GALNT18: variants seen among roughly 807,000 people sequenced by gnomAD.
GALNT18 encodes GalNAc-transferase 18.
GALNT18 carries 44 observed loss-of-function variants against 69.5 expected under a neutral mutation model. The observed-to-expected ratio is 0.63, with a 90% CI of 0.50 to 0.81. GALNT18 has a LOEUF of 0.81. Among genes scored for constraint, GALNT18 ranks in the 40% least tolerant of loss-of-function variants. The pLI is 0.00. For missense variants in GALNT18, 715 were observed against 810.0 expected, an observed-to-expected ratio of 0.88 and a Z score of 1.42; for synonymous variants, 364 against 318.2, an observed-to-expected ratio of 1.14 and a Z score of -1.53.
intron 1 of GALNT18, among the ~76,000 whole-genome samples, chr11:11,527,111 G>A (rs1424451633): frequency 1.3e-5 from 2 of 152,038 alleles, no homozygotes; most frequent in African/African-American, 4.8e-5. Flanking sequence ...TCCTGTCTAG[G>A]TCTGTACTCC....
At chr11:11,283,422 C>T (rs548596860) in intron 10 of GALNT18, among the ~76,000 whole-genome samples, 13 of 152,308 alleles carry the variant, frequency 8.5e-5, no homozygotes, top group African/African-American at 2.9e-4. Context: ...GCTGGAATTA[C>T]AAGCAAGACT....
intron 3 of GALNT18, among the ~76,000 whole-genome samples, chr11:11,391,919 G>A (rs1040477215): frequency 5.3e-5 from 8 of 152,250 alleles, no homozygotes; most frequent in African/African-American, 1.2e-4. Flanking sequence ...CTGCTACGCC[G>A]AGCCTGGCAT....
At chr11:11,416,693 C>A (rs149436846) in intron 3 of GALNT18, among the ~76,000 whole-genome samples, 19 of 152,150 alleles carry the variant, frequency 1.2e-4, no homozygotes, top group African/African-American at 4.6e-4. Context: ...AGATGGCAGC[C>A]GCCACCACAC....
Position 11,563,181 on chromosome 11 carries a change from G to A in GALNT18, c.235+58178C>T, listed in dbSNP as rs974643592. Among the ~76,000 whole-genome samples the A allele has an allele frequency of 4.6e-5, 7 of 152,078 alleles. No individual in the cohort carries two copies. Among genetic ancestry groups the A allele is most frequent in the Admixed American group, 1.3e-4 (2 of 15,274 alleles). On this transcript the variant is annotated intron_variant, in intron 1 of 10. Coordinates refer to ENST00000227756, the MANE Select transcript of GALNT18 (RefSeq NM_198516.3). This position sits in a 1 kb window ranked among gnomAD's most constrained non-coding sequence, Gnocchi z 4.6. ...CTTGCAGTGGGCCCAGCTGCCTGGCGCAGTCCAAATGTGTCCTCCCCAAGC... is the reference window on the plus strand; with the variant it reads ...CTTGCAGTGGGCCCAGCTGCCTGGCACAGTCCAAATGTGTCCTCCCCAAGC...
intron 1 of GALNT18, among the ~76,000 whole-genome samples, chr11:11,453,549 G>T (rs1395439416): frequency 1.3e-5 from 2 of 152,140 alleles, no homozygotes; most frequent in Non-Finnish European, 2.9e-5. Flanking sequence ...TCTCTGATAT[G>T]GTTTGGCTAC....
At chr11:11,576,841 C>A (rs1015637874) in intron 1 of GALNT18, among the ~76,000 whole-genome samples, 2 of 152,246 alleles carry the variant, frequency 1.3e-5, no homozygotes, top group Admixed American at 6.5e-5. Flanking sequence ...GAACAAATTT[C>A]TCTCCTTTGG....
At chr11:11,462,512 C>T (rs1302293077) in intron 1 of GALNT18, among the ~76,000 whole-genome samples, 1 of 151,890 alleles carries the variant, frequency 6.6e-6, no homozygotes, top group Non-Finnish European at 1.5e-5. Context: ...AGGCTGGTCT[C>T]GAACTCTTAA....
rs755521721 is a variant in GALNT18, at chr11:11,497,006, C to T, written c.236-48070G>A. Among the ~76,000 whole-genome samples, 1 of 152,178 alleles carries T rather than the reference C, an allele frequency of 6.6e-6. No homozygotes were observed. The highest frequency in any genetic ancestry group is 1.5e-5 in the Non-Finnish European group (1 of 68,034). Reference sequence around the variant, plus strand: ...GTCTCCAAGGGCCTCATCGGTCCTGCTCATCCCATCCTTCTCTTGCTCACT... The same window carrying T: ...GTCTCCAAGGGCCTCATCGGTCCTGTTCATCCCATCCTTCTCTTGCTCACT... On this transcript the variant is annotated intron_variant, in intron 1 of 10. Coordinates refer to ENST00000227756, the MANE Select transcript of GALNT18 (RefSeq NM_198516.3). This position sits in a 1 kb window ranked among gnomAD's most constrained non-coding sequence, Gnocchi z 4.2.
At chr11:11,559,645 CGATGG>C in intron 1 of GALNT18, among the ~76,000 whole-genome samples, 1 of 149,462 alleles carries the variant, frequency 6.7e-6, no homozygotes, top group Non-Finnish European at 1.5e-5. Flanking sequence ...GGATGGGATG[CGATGG>C]GATGGGATGA....
At chr11:11,302,071 C>T (rs1240776435) in intron 9 of GALNT18, among the ~76,000 whole-genome samples, 2 of 152,186 alleles carry the variant, frequency 1.3e-5, no homozygotes, top group South Asian at 2.1e-4. Flanking sequence ...AAGCCACAGA[C>T]GCTTGACAGT....
chr11:11,380,890 T>C (rs1853898385), intron 3 of GALNT18, among the ~76,000 whole-genome samples: 1 of 152,244 alleles, frequency 6.6e-6, no homozygotes, highest in Non-Finnish European at 1.5e-5. Flanking sequence ...GATGAGCATA[T>C]GGCCTTTCTT....
intron 1 of GALNT18, among the ~76,000 whole-genome samples, chr11:11,577,540 C>T (rs1858955657): frequency 6.6e-6 from 1 of 152,188 alleles, no homozygotes; most frequent in Non-Finnish European, 1.5e-5. Flanking sequence ...GAGAATGTCA[C>T]TGGTGAGGGC....
intron 6 of GALNT18, among the ~76,000 whole-genome samples, chr11:11,368,687 T>G (rs189679069): frequency 1.3e-4 from 20 of 152,348 alleles, no homozygotes; most frequent in Admixed American, 1.3e-3. Context: ...ATTCCATTTT[T>G]ATCCTACTAT....
intron 1 of GALNT18, among the ~76,000 whole-genome samples, chr11:11,514,100 CACTTAAAGAGAA>C (rs1857218345): frequency 6.6e-6 from 1 of 152,212 alleles, no homozygotes; most frequent in Non-Finnish European, 1.5e-5. Flanking sequence ...AAAATACGCT[CACTTAAAGAGAA>C]ACTTGGACCC....
intron 1 of GALNT18, among the ~76,000 whole-genome samples, chr11:11,490,580 G>C (rs1856747247): frequency 6.6e-6 from 1 of 152,186 alleles, no homozygotes; most frequent in Non-Finnish European, 1.5e-5. Flanking sequence ...CTCAGTGATA[G>C]AGCACTCAGC....
chr11:11,372,457 G>T lies in GALNT18; in HGVS notation c.1092+58C>A. 7.5e-7 allele frequency: 1 copy of T among 1,336,632 alleles called. No homozygotes were observed. Among genetic ancestry groups the T allele is most frequent in the Non-Finnish European group, 1.1e-6 (1 of 927,488 alleles). 82.8% of individuals were successfully genotyped at this position (1,336,632 alleles called of 1,614,324 possible). A position where few individuals can be genotyped will look rare whatever the true frequency, so the allele number is the denominator to read the frequency against. On this transcript the variant is annotated intron_variant, in intron 6 of 10. Coordinates refer to ENST00000227756, the MANE Select transcript of GALNT18 (RefSeq NM_198516.3). The surrounding 1 kb of genome is among the most constrained non-coding windows in gnomAD (Gnocchi z 4.9). ...CTTAAACCCCATTTCTCCACCCCCAGACTCATTCACCCTGGTGGGAGCTGA... is the reference window on the plus strand; with the variant it reads ...CTTAAACCCCATTTCTCCACCCCCATACTCATTCACCCTGGTGGGAGCTGA...
intron 1 of GALNT18, among the ~76,000 whole-genome samples, chr11:11,518,741 G>A (rs908293740): frequency 2.0e-5 from 3 of 152,250 alleles, no homozygotes; most frequent in African/African-American, 7.2e-5. Context: ...AAGTAAGTCA[G>A]AACCAGTAGA....
intron 9 of GALNT18, among the ~76,000 whole-genome samples, chr11:11,305,240 G>A (rs570248032): frequency 2.3e-4 from 35 of 152,332 alleles, no homozygotes; most frequent in African/African-American, 8.2e-4. Flanking sequence ...GATGCAGAGT[G>A]TGCCTTTTTA....
chr11:11,360,119 T>C (rs751498035), intron 6 of GALNT18, among the ~76,000 whole-genome samples: 19 of 152,192 alleles, frequency 1.2e-4, no homozygotes, highest in Non-Finnish European at 1.3e-4. Flanking sequence ...CTTTATGGAA[T>C]AAAGCACCTG....
Sources: allele counts gnomAD v4.1 joint callset (sites outside exome capture counted in the v4.1 genomes callset), GRCh38; gene constraint gnomAD v4.1.1; non-coding constraint Gnocchi (gnomAD v3.1); transcripts MANE v1.5; gene names NCBI Gene and HGNC (gene_info 2026-07-23, HGNC 2026-07-21).